The following UCP3 variants were observed in gnomAD, a reference collection of about 807,000 sequenced individuals.
UCP3 encodes putative mitochondrial transporter UCP3.
In UCP3, 24 loss-of-function variants were observed where a neutral mutation model predicts 28.1. The ratio of observed to expected loss-of-function variants is 0.85; its 90% CI spans 0.62 to 1.20. The LOEUF (loss-of-function observed/expected upper bound fraction) is 1.20, where lower values mean the gene tolerates loss of function less well. Among genes scored for constraint, UCP3 ranks in the 50% most tolerant of loss-of-function variants. The pLI, the probability that UCP3 is intolerant of heterozygous loss-of-function variation, is 0.00. For synonymous variants in UCP3, 184 were observed against 171.2 expected, an observed-to-expected ratio of 1.07 and a Z score of -0.59; for missense variants, 397 against 422.2, an observed-to-expected ratio of 0.94 and a Z score of 0.52.
chr11:74,001,991 G>T (rs1951625275), intron 6 of UCP3: 1 of 245,902 alleles, frequency 4.1e-6, no homozygotes, highest in Admixed American at 5.2e-5. Context: ...CTTGGGCTTT[G>T]CAGGGTGAAT....
intron 1 of UCP3, among the ~76,000 whole-genome samples, chr11:74,007,807 G>A (rs1338617666): frequency 6.6e-6 from 1 of 152,126 alleles, no homozygotes; most frequent in Non-Finnish European, 1.5e-5. Context: ...AGCCACAGTG[G>A]TGGGCACAGG....
chr11:74,007,137 G>C lies in UCP3; in HGVS notation c.-95C>G. Reference sequence around the variant, plus strand: ...CCCTGGGCTTCAGTGCAGCGGTGGGGCTGCAGGAGACAGGCCAGAGAAGGC... The same window carrying C: ...CCCTGGGCTTCAGTGCAGCGGTGGGCCTGCAGGAGACAGGCCAGAGAAGGC... On this transcript the variant is annotated splice_region_variant and 5_prime_UTR_variant, in exon 2 of 7. Transcript: ENST00000314032. 6.6e-7 allele frequency: 1 copy of C among 1,521,682 alleles called. No homozygotes were observed. The highest frequency in any genetic ancestry group is 8.9e-7 in the Non-Finnish European group (1 of 1,121,776). The allele number at this position is 1,521,682 out of a possible 1,614,324, so 94.3% of individuals were successfully genotyped here.
chr11:74,005,698 T>C (rs1244379088), intron 4 of UCP3, 32 bp downstream of exon 4: 1 of 1,612,848 alleles, frequency 6.2e-7, no homozygotes, highest in Admixed American at 1.7e-5. Flanking sequence ...AAGCTCTGCC[T>C]AAGACCGCCT....
intron 2 of UCP3, 42 bp from the exon 3 acceptor site, chr11:74,006,421 C>CA (rs1231439164): frequency 6.7e-7 from 1 of 1,486,502 alleles, no homozygotes; most frequent in Admixed American, 2.3e-5. Flanking sequence ...GATGGGAAGG[C>CA]AAGAAGGGGC....
intron 4 of UCP3, 73 bp from the exon 5 acceptor site, chr11:74,004,658 C>T (rs375851693): frequency 2.7e-5 from 39 of 1,454,128 alleles, no homozygotes; most frequent in East Asian, 1.1e-4. Context: ...GAAATGGATG[C>T]CCTGGCTGCA....
At chr11:74,004,709 C>A in intron 4 of UCP3, 124 bp from the exon 5 acceptor site, 1 of 838,860 alleles carries the variant, frequency 1.2e-6, no homozygotes, top group Non-Finnish European at 1.9e-6. Context: ...TGCCCCATTC[C>A]AATGGTCTCA....
Position 74,005,855 on chromosome 11 carries a change from A to C in UCP3, c.416T>G (p.Val139Gly). ...GCTGGCCTGAAATCGGACCTTCACC[A>C]CATCTGTGGGCTGGGCACAGGTCAC... ...MAVTCAQPTD[V>G]VKVRFQASIH... is the part of the protein sequence containing the mutation. Residue 139 changes from valine to glycine, a missense_variant, in exon 4 of 7, where the codon GTG becomes GGG. Transcript: ENST00000314032. 6.2e-7 allele frequency: 1 copy of C among 1,614,098 alleles called. No homozygotes were observed. The highest frequency in any genetic ancestry group is 8.5e-7 in the Non-Finnish European group (1 of 1,180,018).
At chr11:74,001,758 G>A (rs919696076) in intron 6 of UCP3, 3 of 507,980 alleles carry the variant, frequency 5.9e-6, no homozygotes, top group Admixed American at 3.3e-5. Context: ...ACGGGTTACT[G>A]TGTTAGGCAG....
rs1368352469 is a variant in UCP3, at chr11:74,006,246, C to T, written c.260G>A (p.Arg87His). ...GCGGATGGAGGCGAAGCTCATCTGG[C>T]GCTGCAGGCCGGCCACCAGCCCATT... ...PYNGLVAGLQ[R>H]QMSFASIRIG... The change falls in exon 3 of 7, where the codon CGC (arginine) becomes CAC (histidine). Residue 87 changes from arginine (R) to histidine (H), a missense_variant. Transcript: ENST00000314032. The T allele has an allele frequency of 1.2e-5, 19 of 1,613,840 alleles. No homozygotes were observed. Among genetic ancestry groups the T allele is most frequent in the East Asian group, 8.9e-5 (4 of 44,892 alleles).
chr11:74,006,038 G>A, intron 3 of UCP3, 105 bp from the exon 4 acceptor site: 4 of 1,559,514 alleles, frequency 2.6e-6, no homozygotes, highest in South Asian at 1.2e-5. Context: ...TGTCCACTCA[G>A]AGCCTCCTCA....
Position 74,006,986 on chromosome 11 carries a change from C to G in UCP3, c.57G>C (p.Gly19=), listed in dbSNP as rs1265226186. 1 of 1,614,086 alleles carries G rather than the reference C, an allele frequency of 6.2e-7. No individual in the cohort carries two copies. Among genetic ancestry groups the G allele is most frequent in the African/African-American group, 1.3e-5 (1 of 74,938 alleles). Residue 19 remains glycine, a synonymous_variant, in exon 2 of 7, where the codon GGG becomes GGC. Coordinates refer to ENST00000314032, the MANE Select transcript of UCP3 (RefSeq NM_003356.4). ...VPPTMAVKFL[G]AGTAACFADL... The stretch of plus-strand genomic sequence containing the variant: ...CAGCAAAACAGGCTGCTGTGCCTGC[C>G]CCCAGGAACTTCACAGCCATGGTGG...
At chr11:74,008,336 G>T (rs1951681920) in intron 1 of UCP3, among the ~76,000 whole-genome samples, 1 of 152,184 alleles carries the variant, frequency 6.6e-6, no homozygotes, top group Admixed American at 6.5e-5. Flanking sequence ...TAGGTCTGGG[G>T]TGGGGCCTAG....
chr11:74,001,570 AC>A, intron 6 of UCP3, 44 bp from the exon 7 acceptor site: 3 of 1,563,854 alleles, frequency 1.9e-6, no homozygotes, highest in Non-Finnish European at 2.6e-6. Context: ...GTGCTAGGGG[AC>A]CACAACAGAT....
At chr11:74,005,646 C>A (rs895874115) in intron 4 of UCP3, 84 bp downstream of exon 4, 10 of 1,471,562 alleles carry the variant, frequency 6.8e-6, no homozygotes, top group Non-Finnish European at 9.4e-6. Flanking sequence ...TGCTGGGAGT[C>A]CCCTCCTTAC....
chr11:74,005,582 G>T, intron 4 of UCP3, 148 bp downstream of exon 4: 1 of 934,510 alleles, frequency 1.1e-6, no homozygotes, highest in Non-Finnish European at 1.7e-6. Context: ...GCTGTGGCAG[G>T]TCAGTGAAGT....
At chr11:74,005,983 TG>T in intron 3 of UCP3, 50 bp from the exon 4 acceptor site, 1 of 1,603,148 alleles carries the variant, frequency 6.2e-7, no homozygotes, top group Non-Finnish European at 8.5e-7. Flanking sequence ...AGCAGCATTC[TG>T]GGACATGCTG....
chr11:74,006,395 A>G lies in UCP3; in HGVS notation c.127-16T>C. On this transcript the variant is annotated splice_polypyrimidine_tract_variant and intron_variant, in intron 2 of 6. Transcript: ENST00000314032. ...CCCCCTGGATCTGAGGGACAATAGC[A>G]GGGGGTGAGGACTCAGATGGGAAGG... 6.5e-7 allele frequency: 1 copy of G among 1,535,204 alleles called. No homozygotes were observed. The highest frequency in any genetic ancestry group is 2.3e-5 in the East Asian group (1 of 43,910).
intron 1 of UCP3, among the ~76,000 whole-genome samples, chr11:74,008,571 C>T (rs757015313): frequency 3.9e-5 from 6 of 152,160 alleles, no homozygotes; most frequent in African/African-American, 9.7e-5. Flanking sequence ...GTGCCCCTGT[C>T]ATCCCTACTC....
chr11:74,003,650 A>G, intron 6 of UCP3, 177 bp downstream of exon 6: 1 of 1,438,048 alleles, frequency 7.0e-7, no homozygotes, highest in Non-Finnish European at 9.1e-7. Context: ...AACCCTCCCC[A>G]TCAGGTATGG....
Sources: gnomAD v4.1 joint callset for allele counts (sites outside exome capture counted in the v4.1 genomes callset) on GRCh38, gnomAD v4.1.1 for gene constraint, MANE v1.5 for transcripts, NCBI Gene and HGNC (gene_info 2026-07-23, HGNC 2026-07-21) for gene names.